Variants in CERS4 observed in about 807,000 individuals in gnomAD.
CERS4 encodes LAG1 homolog, ceramide synthase 4.
A neutral mutation model predicts 51.8 loss-of-function variants in CERS4; 65 were observed. That is an observed-to-expected ratio of 1.26 (90% CI 1.03 to 1.54). The LOEUF (loss-of-function observed/expected upper bound fraction) is 1.54. CERS4 is among the 40% of genes most tolerant of loss of function. The probability of loss-of-function intolerance (pLI) is 0.00; values close to 1 mark genes in which losing one functional copy is unlikely to be tolerated. For missense variants in CERS4, 563 were observed against 500.4 expected, an observed-to-expected ratio of 1.13 and a Z score of -1.19; for synonymous variants, 228 against 208.4, an observed-to-expected ratio of 1.09 and a Z score of -0.81.
intron 2 of CERS4, among the ~76,000 whole-genome samples, chr19:8,218,187 A>G (rs1053018358): frequency 6.6e-6 from 1 of 151,084 alleles, no homozygotes; most frequent in Non-Finnish European, 1.5e-5. Flanking sequence ...CTGGTCTTGA[A>G]CTCCTGACCT....
intron 2 of CERS4, among the ~76,000 whole-genome samples, chr19:8,215,464 G>A (rs1432576024): frequency 1.3e-5 from 2 of 150,636 alleles, no homozygotes; most frequent in Non-Finnish European, 3.0e-5. Context: ...GTGCAACAGA[G>A]CAAGACTCTG....
intron 2 of CERS4, among the ~76,000 whole-genome samples, chr19:8,226,121 C>T (rs999211392): frequency 2.6e-5 from 4 of 151,918 alleles, no homozygotes; most frequent in East Asian, 1.9e-4. Flanking sequence ...CGCTTGAATC[C>T]GGGAGGCAGA....
chr19:8,255,595 CCCCCTCCCCAG>C lies in CERS4; in HGVS notation c.292-7_295del, dbSNP rs1969332591. On this transcript the variant is annotated splice_acceptor_variant and splice_polypyrimidine_tract_variant and intron_variant, in intron 4 of 11. Transcript: ENST00000251363. LOFTEE classifies it high-confidence loss of function. ...GCCTCTGTGACCCTTGTCCTCATCA[CCCCCTCCCCAG>C]CCCCAGCTGTCTCTCCTGGCCGCCC... The C allele has an allele frequency of 6.2e-7, 1 of 1,604,236 alleles. No homozygotes were observed. Among genetic ancestry groups the C allele is most frequent in the Non-Finnish European group, 8.5e-7 (1 of 1,175,618 alleles).
At position 8,254,566 on chromosome 19, in the gene CERS4, AACGCC is replaced by A; in HGVS notation, c.246_250del (p.Thr83GlyfsTer51). 2 of 1,613,468 alleles carry A rather than the reference AACGCC, an allele frequency of 1.2e-6. No individual in the cohort carries two copies. Among genetic ancestry groups the A allele is most frequent in the South Asian group, 2.2e-5 (2 of 90,956 alleles). ...TCAGACCAGGAGGCAAGTGAAGCCC[AACGCC>A]ACGCTGGAGAAACACTTCCTCACGG... is the stretch of plus-strand genomic sequence containing the variant. On this transcript the variant is annotated frameshift_variant, in exon 4 of 12. Coordinates refer to ENST00000251363, the MANE Select transcript of CERS4 (RefSeq NM_024552.3). LOFTEE classifies it high-confidence loss of function.
Position 8,262,282 on chromosome 19 carries a change from T to G in CERS4, c.*173T>G. ...CCCCTTCCTTCTGCCCACCCACCCT[T>G]CTTCCCTCTGGGCAACTGGACAGAT... On this transcript the variant is annotated 3_prime_UTR_variant, in exon 12 of 12. Transcript: ENST00000251363. The G allele has an allele frequency of 1.7e-6, 1 of 599,944 alleles. No homozygotes were observed. Among genetic ancestry groups the G allele is most frequent in the Non-Finnish European group, 2.5e-6 (1 of 392,896 alleles). The allele number at this position is 599,944 out of a possible 1,614,324, so 37.2% of individuals were successfully genotyped here. A position where few individuals can be genotyped will look rare whatever the true frequency, so the allele number is the denominator to read the frequency against.
chr19:8,237,993 G>A (rs1968347874), intron 2 of CERS4, among the ~76,000 whole-genome samples: 1 of 152,036 alleles, frequency 6.6e-6, no homozygotes, highest in Non-Finnish European at 1.5e-5. Context: ...ACTCCCACGT[G>A]TATACTTAAT....
chr19:8,251,475 ACTGCCTG>A, intron 3 of CERS4, among the ~76,000 whole-genome samples: 1 of 152,332 alleles, frequency 6.6e-6, no homozygotes, highest in South Asian at 2.1e-4. Flanking sequence ...GGAACACTGC[ACTGCCTG>A]CAGCCTGCAG....
rs1245056640 is a variant in CERS4 at position 8,255,685 on chromosome 19, C to T, written c.370C>T (p.Gln124Ter). The T allele has an allele frequency of 6.2e-7, 1 of 1,612,976 alleles. No individual in the cohort carries two copies. The highest frequency in any genetic ancestry group is 8.5e-7 in the Non-Finnish European group (1 of 1,179,786). ...GCGATGGTTCCGGAGACGCCGGAAC[C>T]AGGATCGACCCCAGCTGACCAAGAA... ...TQRWFRRRRNQDRPQLTKKFC... is the reference protein window; with the variant it reads ...TQRWFRRRRN Residue 124 changes from glutamine (Q) to a stop codon, truncating the protein, a stop_gained, in exon 5 of 12, where the codon CAG (glutamine) becomes TAG (stop). Transcript: ENST00000251363. LOFTEE classifies it high-confidence loss of function.
chr19:8,254,196 G>A (rs1478663006), intron 3 of CERS4, among the ~76,000 whole-genome samples: 4 of 150,976 alleles, frequency 2.6e-5, no homozygotes, highest in African/African-American at 7.3e-5. Context: ...AGTGGCGGGC[G>A]CCTGCAGTCC....
At chr19:8,212,459 C>T (rs547415437) in intron 2 of CERS4, among the ~76,000 whole-genome samples, 71 of 151,954 alleles carry the variant, frequency 4.7e-4, no homozygotes, top group African/African-American at 1.4e-3. Context: ...GGTGGTACGG[C>T]GTAGGATGGG....
chr19:8,219,655 A>G (rs1361514911), intron 2 of CERS4, among the ~76,000 whole-genome samples: 1 of 123,462 alleles, frequency 8.1e-6, no homozygotes, highest in African/African-American at 2.9e-5. Flanking sequence ...CGTCTCTACT[A>G]AAAATACAAA....
rs752168683 is a variant in CERS4 at position 8,255,855 on chromosome 19, G to A, written c.444G>A (p.Val148=). 3 of 1,613,934 alleles carry A rather than the reference G, an allele frequency of 1.9e-6. No individual in the cohort carries two copies. In the Admixed American group the frequency reaches 5.0e-5, roughly 27 times the overall value. ...TTCTCTTCTACCTGTCCTCCTTCGT[G>A]GGCGGCCTCTCGGTCCTGTACCACG... ...WRFLFYLSSF[V]GGLSVLYHES... is the part of the protein sequence containing the mutation. The change falls in exon 6 of 12, where the codon GTG becomes GTA. Residue 148 remains valine, a synonymous_variant. Transcript: ENST00000251363.
At chr19:8,245,783 A>T (rs1968754283) in intron 2 of CERS4, among the ~76,000 whole-genome samples, 1 of 148,154 alleles carries the variant, frequency 6.7e-6, no homozygotes, top group Admixed American at 6.8e-5. Flanking sequence ...CAAGTGATCC[A>T]CTCACCTTGG....
intron 2 of CERS4, among the ~76,000 whole-genome samples, chr19:8,236,165 G>A (rs1210502330): frequency 2.0e-5 from 3 of 152,054 alleles, no homozygotes; most frequent in Non-Finnish European, 4.4e-5. Context: ...ACTGCACTCC[G>A]GCCTGGGTGA....
chr19:8,257,002 C>T lies in CERS4; in HGVS notation c.666C>T (p.Phe222=), dbSNP rs779696004. Reference sequence around the variant, plus strand: ...TCGTGGCGGTCATCCTGATGACCTTCTCCTACAGTGCCAACCTGCTGCGCA... The same window carrying T: ...TCGTGGCGGTCATCCTGATGACCTTTTCCTACAGTGCCAACCTGCTGCGCA... The part of the protein sequence containing the change: ...HHFVAVILMT[F]SYSANLLRIG... The change falls in exon 9 of 12, where the codon TTC becomes TTT. Residue 222 remains phenylalanine (F), a synonymous_variant. Coordinates refer to ENST00000251363, the MANE Select transcript of CERS4 (RefSeq NM_024552.3). 1.2e-6 allele frequency: 2 copies of T among 1,613,900 alleles called. No individual in the cohort carries two copies. The highest frequency in any genetic ancestry group is 2.7e-5 in the African/African-American group (2 of 74,944).
intron 9 of CERS4, 111 bp from the exon 10 acceptor site, chr19:8,257,768 G>C: frequency 1.3e-6 from 1 of 770,068 alleles, no homozygotes; most frequent in Non-Finnish European, 2.2e-6. Flanking sequence ...AAGGTAGGTA[G>C]TTCCTGGAAA....
At chr19:8,254,430 T>G (rs1599585652) in intron 3 of CERS4, 69 bp from the exon 4 acceptor site, 1 of 1,436,130 alleles carries the variant, frequency 7.0e-7, no homozygotes, top group Non-Finnish European at 9.7e-7. Flanking sequence ...CGGCAGCATG[T>G]CTGCCCCCAC....
At chr19:8,216,448 T>A (rs1331704528) in intron 2 of CERS4, among the ~76,000 whole-genome samples, 1 of 151,402 alleles carries the variant, frequency 6.6e-6, no homozygotes, top group African/African-American at 2.4e-5. Context: ...TGCCTTATTT[T>A]TCTCTCCACC....
intron 2 of CERS4, among the ~76,000 whole-genome samples, chr19:8,231,684 G>T (rs1254253352): frequency 6.6e-6 from 1 of 151,672 alleles, no homozygotes; most frequent in Non-Finnish European, 1.5e-5. Context: ...GAGTAGCTGG[G>T]ATTACAGATG....
Sources: allele counts gnomAD v4.1 joint callset (sites outside exome capture counted in the v4.1 genomes callset), GRCh38; gene constraint gnomAD v4.1.1; transcripts MANE v1.5; gene names NCBI Gene and HGNC (gene_info 2026-07-23, HGNC 2026-07-21).